The following HMCN1 variants were observed in gnomAD, a reference collection of about 807,000 sequenced individuals.
The protein encoded by HMCN1 is hemicentin 1.
Under a neutral mutation model 625.9 loss-of-function variants are expected in HMCN1, and 321 were observed. The observed-to-expected ratio is 0.51, with a 90% CI of 0.47 to 0.56. The LOEUF (loss-of-function observed/expected upper bound fraction) is 0.56, where lower values mean the gene tolerates loss of function less well. Among genes scored for constraint, HMCN1 ranks in the 20% least tolerant of loss-of-function variants. HMCN1 has a pLI of 0.00. For missense variants in HMCN1, 6,588 were observed against 6,887.3 expected (o/e 0.96, Z 1.54); for synonymous variants, 2,425 against 2,417.6 (o/e 1.00, Z -0.09).
intron 1 of HMCN1, among the ~76,000 whole-genome samples, chr1:185,790,368 T>A (rs1657906798): frequency 6.6e-6 from 1 of 152,356 alleles, no homozygotes; most frequent in South Asian, 2.1e-4. Flanking sequence ...TCTCTTTTCC[T>A]TAGACTGTGA....
intron 80 of HMCN1, among the ~76,000 whole-genome samples, chr1:186,121,007 G>T (rs2102490436): frequency 6.6e-6 from 1 of 152,322 alleles, no homozygotes; most frequent in East Asian, 1.9e-4. Context: ...GTTAGGATAG[G>T]TTTCTCTGAG....
intron 96 of HMCN1, among the ~76,000 whole-genome samples, chr1:186,153,293 C>T (rs1172419130): frequency 6.6e-6 from 1 of 152,096 alleles, no homozygotes; most frequent in Non-Finnish European, 1.5e-5. Flanking sequence ...TATGAAACAA[C>T]TATGTTATAA....
intron 93 of HMCN1, among the ~76,000 whole-genome samples, chr1:186,147,851 GC>G (rs1380101933): frequency 4.6e-5 from 7 of 152,204 alleles, no homozygotes; most frequent in Admixed American, 4.6e-4. Context: ...AGAGGGTCTT[GC>G]CTTGATGTTG....
At position 186,019,616 on chromosome 1, in the gene HMCN1, T is replaced by A. The variant is rs756344375; in HGVS notation, c.5546T>A (p.Ile1849Lys). 1.1e-5 allele frequency: 17 copies of A among 1,610,718 alleles called. No individual in the cohort carries two copies. The Admixed American group carries it at 2.8e-4, about 27-fold the overall frequency. The change falls in exon 35 of 107, where the codon ATA becomes AAA. Residue 1849 changes from isoleucine to lysine, a missense_variant. This residue lies in a region of HMCN1 where 4,628 missense variants were observed against 4,853.1 expected (regional missense o/e 0.95). Transcript: ENST00000271588. ...VKYKPVALQC[I>K]ANGIPNPSIT... Reference sequence around the variant, plus strand: ...TACAAGCCTGTCGCCTTGCAGTGCATAGCCAATGGGATTCCAAATCCTTCC... The same window carrying A: ...TACAAGCCTGTCGCCTTGCAGTGCAAAGCCAATGGGATTCCAAATCCTTCC...
chr1:186,185,864 C>A (rs1332750225), intron 105 of HMCN1, among the ~76,000 whole-genome samples: 2 of 152,192 alleles, frequency 1.3e-5, no homozygotes, highest in Non-Finnish European at 1.5e-5. Context: ...AACCAATTTA[C>A]TCCATTTAAT....
chr1:185,870,828 A>C (rs1204766312), intron 4 of HMCN1, among the ~76,000 whole-genome samples: 1 of 152,186 alleles, frequency 6.6e-6, no homozygotes, highest in Non-Finnish European at 1.5e-5. Context: ...GAAGCTCTAT[A>C]ACAATAGAAC....
At chr1:186,043,508 T>C (rs543077439) in intron 40 of HMCN1, among the ~76,000 whole-genome samples, 2 of 152,192 alleles carry the variant, frequency 1.3e-5, no homozygotes, top group African/African-American at 4.8e-5. Context: ...AAAAAGTAAC[T>C]GAAGGAAAAT....
At chr1:186,141,892 A>C (rs1246704064) in intron 89 of HMCN1, among the ~76,000 whole-genome samples, 2 of 152,196 alleles carry the variant, frequency 1.3e-5, no homozygotes, top group Non-Finnish European at 2.9e-5. Flanking sequence ...CATTCCTAGC[A>C]TTGTGCTCCT....
At chr1:185,775,472 A>C (rs1429441673) in intron 1 of HMCN1, among the ~76,000 whole-genome samples, 1 of 152,214 alleles carries the variant, frequency 6.6e-6, no homozygotes, top group Non-Finnish European at 1.5e-5. Context: ...TAAATGCCTC[A>C]TTGAACTGGG....
intron 36 of HMCN1, among the ~76,000 whole-genome samples, chr1:186,023,954 T>C (rs1462585584): frequency 2.0e-5 from 3 of 152,214 alleles, no homozygotes; most frequent in African/African-American, 7.2e-5. Context: ...AGTAGGTGAA[T>C]GAAAAAGTTT....
chr1:185,829,215 T>C (rs1363993797), intron 1 of HMCN1, among the ~76,000 whole-genome samples: 1 of 151,362 alleles, frequency 6.6e-6, no homozygotes, highest in African/African-American at 2.4e-5. Context: ...CTCCAAAGCA[T>C]ACAGAAAATA....
chr1:185,852,853 A>G (rs1334742301), intron 2 of HMCN1, among the ~76,000 whole-genome samples: 1 of 152,074 alleles, frequency 6.6e-6, no homozygotes, highest in African/African-American at 2.4e-5. Flanking sequence ...GCCTTGCAAA[A>G]GGTTTTGCAA....
chr1:186,042,777 C>A (rs1656290846), intron 40 of HMCN1, among the ~76,000 whole-genome samples: 1 of 152,040 alleles, frequency 6.6e-6, no homozygotes, highest in South Asian at 2.1e-4. Context: ...TTATTATTTG[C>A]ATAAATTATA....
At chr1:185,814,277 C>A (rs537726018) in intron 1 of HMCN1, among the ~76,000 whole-genome samples, 1 of 151,830 alleles carries the variant, frequency 6.6e-6, no homozygotes, top group Non-Finnish European at 1.5e-5. Flanking sequence ...GTTTTATTCC[C>A]TTACCTTTCA....
chr1:186,166,337 TG>T, intron 99 of HMCN1, 34 bp downstream of exon 99: 1 of 1,613,492 alleles, frequency 6.2e-7, no homozygotes, highest in Non-Finnish European at 8.5e-7. Flanking sequence ...ATTTAAGCAA[TG>T]GGTCAAGGAT....
chr1:185,982,559 G>C (rs1447643685), intron 18 of HMCN1, among the ~76,000 whole-genome samples, 170 bp downstream of exon 18: 1 of 151,590 alleles, frequency 6.6e-6, no homozygotes, highest in Admixed American at 6.6e-5. Flanking sequence ...TCATGCCTCA[G>C]CCTCCAGAGT....
At chr1:186,052,006 A>T (rs147612588) in intron 42 of HMCN1, among the ~76,000 whole-genome samples, 15 of 152,116 alleles carry the variant, frequency 9.9e-5, no homozygotes, top group Non-Finnish European at 1.5e-4. Flanking sequence ...CTGAGTAGAC[A>T]GAGTATTTAG....
chr1:185,908,725 T>G (rs1666241567), intron 4 of HMCN1, among the ~76,000 whole-genome samples: 2 of 151,686 alleles, frequency 1.3e-5, no homozygotes, highest in Admixed American at 1.3e-4. Flanking sequence ...TTTAATGCAA[T>G]GCTTTTCCCA....
intron 97 of HMCN1, among the ~76,000 whole-genome samples, chr1:186,164,144 C>T (rs370615402): frequency 6.6e-6 from 1 of 152,272 alleles, no homozygotes; most frequent in South Asian, 2.1e-4. Flanking sequence ...GTACCACCCC[C>T]CTGCATGAGC....
Sources: gnomAD v4.1 joint callset for allele counts (sites outside exome capture counted in the v4.1 genomes callset) on GRCh38, gnomAD v4.1.1 for gene constraint, gnomAD v4.1.1 regional missense constraint, MANE v1.5 for transcripts, NCBI Gene and HGNC (gene_info 2026-07-23, HGNC 2026-07-21) for gene names.